The following TXNRD1 variants were observed in gnomAD, a reference collection of about 807,000 sequenced individuals.
The protein encoded by TXNRD1 is thioredoxin reductase 1, also known as thioredoxin reductase 1, cytoplasmic.
Under a neutral mutation model 80.3 loss-of-function variants are expected in TXNRD1, and 57 were observed. The observed-to-expected ratio is 0.71, with a 90% CI of 0.57 to 0.89. The LOEUF is 0.89. TXNRD1 is among the 40% of genes least tolerant of loss of function. The pLI, the probability that TXNRD1 is intolerant of heterozygous loss-of-function variation, is 0.00. For missense variants in TXNRD1, 730 were observed against 803.0 expected, an observed-to-expected ratio of 0.91 and a Z score of 1.10; for synonymous variants, 291 against 285.2, an observed-to-expected ratio of 1.02 and a Z score of -0.20.
chr12:104,305,477 T>C (rs1016957478), intron 4 of TXNRD1, among the ~76,000 whole-genome samples: 3 of 152,238 alleles, frequency 2.0e-5, no homozygotes, highest in South Asian at 2.1e-4. Context: ...ATTTCTGTTA[T>C]TGTACTCAGC....
chr12:104,340,546 C>T (rs1483962614), intron 16 of TXNRD1, among the ~76,000 whole-genome samples: 1 of 152,160 alleles, frequency 6.6e-6, no homozygotes, highest in Non-Finnish European at 1.5e-5. Context: ...CCTCCCTTGC[C>T]TCTTCTTCTG....
At position 104,223,110 on chromosome 12, in the gene TXNRD1, T is replaced by C. The variant is rs146467087; in HGVS notation, c.91+7217T>C. Among the ~76,000 whole-genome samples the C allele has an allele frequency of 2.4e-4, 37 of 152,332 alleles. 1 individual carries two copies. In the East Asian group the frequency reaches 5.8e-3, roughly 24 times the overall value. ...TTTCTTAAGATTGTGGATATTACAG[T>C]GTAGCTATGGCTGCCTTGAGATTAT... On this transcript the variant is annotated intron_variant, in intron 1 of 16. Transcript: ENST00000525566.
chr12:104,338,324 T>G (rs541574850), intron 15 of TXNRD1, among the ~76,000 whole-genome samples: 4 of 151,998 alleles, frequency 2.6e-5, no homozygotes, highest in Non-Finnish European at 5.9e-5. Context: ...CTGTTTGAAG[T>G]GAACATCATA....
chr12:104,303,707 G>A (rs1265761735), intron 4 of TXNRD1: 1 of 648,526 alleles, frequency 1.5e-6, no homozygotes, highest in Non-Finnish European at 2.4e-6. Context: ...CGTGCTGGGG[G>A]CGGGTCGCGC....
Position 104,327,592 on chromosome 12 carries a change from A to G in TXNRD1, c.1463A>G (p.Asp488Gly). 1 of 1,613,618 alleles carries G rather than the reference A, an allele frequency of 6.2e-7. No individual in the cohort carries two copies. Among genetic ancestry groups the G allele is most frequent in the Non-Finnish European group, 8.5e-7 (1 of 1,179,838 alleles). Residue 488 changes from aspartate to glycine, a missense_variant, in exon 13 of 17, where the codon GAT becomes GGT. By Grantham distance (94) the Asp-to-Gly change is moderately conservative. Coordinates refer to ENST00000525566, the MANE Select transcript of TXNRD1 (RefSeq NM_001093771.3). ...YIYAIGDILE[D>G]KVELTPVAIQ... Reference sequence around the variant, plus strand: ...TATGCCATTGGCGATATATTGGAGGATAAGGTGGAGCTCACCCCAGTTGCA... The same window carrying G: ...TATGCCATTGGCGATATATTGGAGGGTAAGGTGGAGCTCACCCCAGTTGCA...
intron 4 of TXNRD1, among the ~76,000 whole-genome samples, chr12:104,290,230 T>C (rs1256721266): frequency 2.0e-5 from 3 of 152,202 alleles, no homozygotes; most frequent in Admixed American, 6.5e-5. Flanking sequence ...CTTTTAAAAG[T>C]ATTTTATTTA....
intron 15 of TXNRD1, among the ~76,000 whole-genome samples, chr12:104,337,513 C>G (rs2036179533): frequency 6.6e-6 from 1 of 151,996 alleles, no homozygotes. Context: ...AAAATAATTT[C>G]TACACAGGTA....
intron 1 of TXNRD1, among the ~76,000 whole-genome samples, chr12:104,250,353 T>G (rs2033093316): frequency 6.6e-6 from 1 of 152,216 alleles, no homozygotes; most frequent in African/African-American, 2.4e-5. Flanking sequence ...AATAGTTTCT[T>G]AGATATGACA....
intron 1 of TXNRD1, among the ~76,000 whole-genome samples, chr12:104,230,755 C>G (rs1258190187): frequency 2.0e-5 from 3 of 152,120 alleles, no homozygotes; most frequent in Non-Finnish European, 4.4e-5. Context: ...AGAGGAAACC[C>G]TGTGTGGGGC....
At chr12:104,295,797 TA>T (rs988239236) in intron 4 of TXNRD1, among the ~76,000 whole-genome samples, 5 of 152,240 alleles carry the variant, frequency 3.3e-5, no homozygotes, top group Non-Finnish European at 7.3e-5. Context: ...CTGCCAATGA[TA>T]ACTTTTTGGC....
intron 16 of TXNRD1, among the ~76,000 whole-genome samples, chr12:104,341,797 C>T (rs941655250): frequency 2.6e-5 from 4 of 152,186 alleles, no homozygotes; most frequent in Admixed American, 1.3e-4. Context: ...ATAAGACTGC[C>T]TCCACTGCAG....
At chr12:104,240,015 T>A (rs1178110722) in intron 1 of TXNRD1, among the ~76,000 whole-genome samples, 3 of 152,184 alleles carry the variant, frequency 2.0e-5, no homozygotes, top group African/African-American at 7.2e-5. Context: ...TTTTGCATCT[T>A]TGTTTATGAG....
At position 104,348,873 on chromosome 12, in the gene TXNRD1, A is replaced by G. The variant is rs35257413; in HGVS notation, c.*452A>G. 1,163 of 169,434 alleles carry G rather than the reference A, an allele frequency of 6.9e-3. 12 individuals carry two copies. Among genetic ancestry groups the G allele is most frequent in the Non-Finnish European group, 1.0e-2 (777 of 77,814 alleles). 10.5% of individuals were successfully genotyped at this position (169,434 alleles called of 1,614,324 possible). Reference sequence around the variant, plus strand: ...TTTTGTCCAAAAGCAAGTCATGGCTAGAGTATCCATGCAAGGTGTCTTGTT... The same window carrying G: ...TTTTGTCCAAAAGCAAGTCATGGCTGGAGTATCCATGCAAGGTGTCTTGTT... On this transcript the variant is annotated 3_prime_UTR_variant, in exon 17 of 17. Transcript: ENST00000525566.
intron 9 of TXNRD1, 24 bp downstream of exon 9, chr12:104,319,609 A>G: frequency 6.6e-7 from 1 of 1,516,440 alleles, no homozygotes; most frequent in Non-Finnish European, 9.0e-7. Context: ...GCAGGGTGGA[A>G]AAGAAAAACC....
At chr12:104,293,861 C>G (rs1387632126) in intron 4 of TXNRD1, among the ~76,000 whole-genome samples, 1 of 152,110 alleles carries the variant, frequency 6.6e-6, no homozygotes, top group East Asian at 1.9e-4. Context: ...GCAGAAGGGG[C>G]AGGGTAAAGA....
intron 1 of TXNRD1, among the ~76,000 whole-genome samples, chr12:104,245,421 G>A (rs1342911995): frequency 7.0e-6 from 1 of 143,276 alleles, no homozygotes; most frequent in Non-Finnish European, 1.5e-5. Context: ...GGAGGCTGAG[G>A]CAGGAGAATC....
rs112529156 is a variant in TXNRD1 at position 104,286,589 on chromosome 12, T to TC, written c.305-2342_305-2341insC. On this transcript the variant is annotated intron_variant, in intron 3 of 16. Coordinates refer to ENST00000525566, the MANE Select transcript of TXNRD1 (RefSeq NM_001093771.3). The stretch of plus-strand genomic sequence containing the variant: ...TGCCAACTCAATCACCTTTGGAGTT[T>TC]TTTTTTTTTTTTTAAACGCAGAGGC... 6.7e-3 allele frequency: 2,742 copies of TC among 410,564 alleles called. 4 individuals carry two copies. Among genetic ancestry groups the TC allele is most frequent in the South Asian group, 0.016 (161 of 9,822 alleles). The allele number at this position is 410,564 out of a possible 1,614,324, so 25.4% of individuals were successfully genotyped here.
At chr12:104,252,691 T>TATATATATATATATATATATA (rs34752671) in intron 2 of TXNRD1, among the ~76,000 whole-genome samples, 2 of 31,486 alleles carry the variant, frequency 6.4e-5, no homozygotes, top group African/African-American at 3.2e-4. Flanking sequence ...TATATATATA[T>TATATATATATATATATATATA]TTTTTTTTTT....
Position 104,318,927 on chromosome 12 carries a change from G to T in TXNRD1, c.745G>T (p.Asp249Tyr). 1.9e-6 allele frequency: 3 copies of T among 1,612,210 alleles called. No individual in the cohort carries two copies. The highest frequency in any genetic ancestry group is 2.5e-6 in the Non-Finnish European group (3 of 1,179,468). Residue 249 changes from aspartate to tyrosine, a missense_variant, in exon 8 of 17, where the codon GAC (aspartate) becomes TAC (tyrosine). Transcript: ENST00000525566. Reference sequence around the variant, plus strand: ...TTCTTATACAGTTAAGCATGATTGGGACAGAATGATAGAAGCTGTACAGAA... The same window carrying T: ...TTCTTATACAGTTAAGCATGATTGGTACAGAATGATAGAAGCTGTACAGAA... ...KVEETVKHDW[D>Y]RMIEAVQNHI...
Sources: gnomAD v4.1 joint callset for allele counts (sites outside exome capture counted in the v4.1 genomes callset) on GRCh38, gnomAD v4.1.1 for gene constraint, MANE v1.5 for transcripts, NCBI Gene and HGNC (gene_info 2026-07-23, HGNC 2026-07-21) for gene names.